The following SLC1A3 variants were observed in gnomAD, a reference collection of about 807,000 sequenced individuals.
SLC1A3 encodes excitatory amino acid transporter 1.
Under a neutral mutation model 48.1 loss-of-function variants are expected in SLC1A3, and 21 were observed. The observed-to-expected ratio is 0.44, with a 90% CI of 0.31 to 0.63. SLC1A3 has a LOEUF of 0.63. Ranked by LOEUF, SLC1A3 falls within the 20% of genes least tolerant of loss-of-function variation. The pLI is 0.08. For missense variants in SLC1A3, 546 were observed against 689.0 expected (o/e 0.79, Z 2.32); for synonymous variants, 239 against 251.4 (o/e 0.95, Z 0.47).
At chr5:36,679,547 T>C in intron 6 of SLC1A3, 80 bp from the exon 7 acceptor site, 1 of 1,035,338 alleles carries the variant, frequency 9.7e-7, no homozygotes. Context: ...TCTTTTCCCT[T>C]TTTCTTATCA....
intron 2 of SLC1A3, among the ~76,000 whole-genome samples, chr5:36,617,415 C>CTTTTTTTTTTTTTTTTTTT: frequency 1.7e-5 from 1 of 57,676 alleles, no homozygotes; most frequent in Non-Finnish European, 3.1e-5. Context: ...AGGTTGCGGG[C>CTTTTTTTTTTTTTTTTTTT]TTTTTTTTTT....
chr5:36,670,676 C>T, intron 3 of SLC1A3: 1 of 381,070 alleles, frequency 2.6e-6, no homozygotes, highest in Non-Finnish European at 5.0e-6. Context: ...GGCACACTCA[C>T]ACACGCACTA....
upstream of SLC1A3, among the ~76,000 whole-genome samples, chr5:36,605,873 A>T (rs16903193): frequency 3.8e-3 from 584 of 152,334 alleles, 11 homozygotes; most frequent in East Asian, 0.049. Context: ...TAAAATGGAG[A>T]CATCTGAACA....
At position 36,686,065 on chromosome 5, in the gene SLC1A3, G is replaced by A. The variant is rs755947309; in HGVS notation, c.1425G>A (p.Leu475=). 1.2e-5 allele frequency: 19 copies of A among 1,613,974 alleles called. No homozygotes were observed. The highest frequency in any genetic ancestry group is 1.6e-5 in the Non-Finnish European group (19 of 1,179,920). Residue 475 remains leucine (L), a splice_region_variant and synonymous_variant, in exon 10 of 10, where the codon CTG becomes CTA. Transcript: ENST00000265113. Reference sequence around the variant, plus strand: ...TCCCTCCTCCCCACCCTGCCTGCAGGGATCGCCTCCGGACCACCACCAACG... The same window carrying A: ...TCCCTCCTCCCCACCCTGCCTGCAGAGATCGCCTCCGGACCACCACCAACG... The part of the protein sequence containing the change: ...ITLIIAVDWF[L]DRLRTTTNVL...
At chr5:36,650,331 A>T (rs908166075) in intron 3 of SLC1A3, among the ~76,000 whole-genome samples, 1 of 152,250 alleles carries the variant, frequency 6.6e-6, no homozygotes, top group Admixed American at 6.5e-5. Flanking sequence ...AATACCCATT[A>T]TCACTTGTTA....
intron 9 of SLC1A3, 64 bp from the exon 10 acceptor site, chr5:36,686,001 T>G (rs2111990490): frequency 7.4e-7 from 1 of 1,348,628 alleles, no homozygotes; most frequent in East Asian, 2.3e-5. Context: ...GTTCCTAACG[T>G]AAGTTGAAAA....
intron 2 of SLC1A3, among the ~76,000 whole-genome samples, chr5:36,627,212 CT>C (rs1351169106): frequency 6.6e-6 from 1 of 151,946 alleles, no homozygotes; most frequent in African/African-American, 2.4e-5. Context: ...TGAATAGATG[CT>C]TGGAGAAAAT....
At position 36,608,640 on chromosome 5, in the gene SLC1A3, C is replaced by A. The variant is rs374298874; in HGVS notation, c.181+36C>A. On this transcript the variant is annotated intron_variant, in intron 2 of 9. Transcript: ENST00000265113. ...TGATTAAAAACAAAAAAACCTGTAT[C>A]TTGTTTCTCTGGGGCATCTGGCTGC... is the stretch of plus-strand genomic sequence containing the variant. 3.9e-5 allele frequency: 63 copies of A among 1,609,516 alleles called. No individual in the cohort carries two copies. In the Middle Eastern group the frequency reaches 5.0e-4, roughly 13 times the overall value.
Position 36,623,885 on chromosome 5 carries a change from G to T in SLC1A3, c.182-5565G>T, listed in dbSNP as rs956638654. Among the ~76,000 whole-genome samples, 4 of 148,632 alleles carry T rather than the reference G, an allele frequency of 2.7e-5. No homozygotes were observed. In the East Asian group the frequency reaches 8.0e-4, roughly 30 times the overall value. The stretch of plus-strand genomic sequence containing the variant: ...CTCAAAAAAAAAAAAAAAAAGAAAA[G>T]AAAAAGAAAGACTGGTCATGCTACG... On this transcript the variant is annotated intron_variant, in intron 2 of 9. Coordinates refer to ENST00000265113, the MANE Select transcript of SLC1A3 (RefSeq NM_004172.5).
At position 36,638,048 on chromosome 5, in the gene SLC1A3, A is replaced by G. The variant is rs1055194212; in HGVS notation, c.319+8461A>G. 3.5e-4 allele frequency among the ~76,000 whole-genome samples: 54 copies of G among 152,204 alleles called. 1 individual carries two copies. On this transcript the variant is annotated intron_variant, in intron 3 of 9. Coordinates refer to ENST00000265113, the MANE Select transcript of SLC1A3 (RefSeq NM_004172.5). ...CACAGTCCCCCACTGTTACTACTTT[A>G]GTTGATACCTTTATTAGTTCAGATA...
chr5:36,634,916 A>C (rs537093005), intron 3 of SLC1A3, among the ~76,000 whole-genome samples: 1 of 152,350 alleles, frequency 6.6e-6, no homozygotes, highest in East Asian at 1.9e-4. Context: ...TTACAGTAAG[A>C]GTGAACTAAA....
intron 9 of SLC1A3, among the ~76,000 whole-genome samples, 155 bp downstream of exon 9, chr5:36,684,153 C>A (rs1742551445): frequency 1.3e-5 from 2 of 152,226 alleles, no homozygotes; most frequent in Non-Finnish European, 2.9e-5. Flanking sequence ...GACCCCTGGT[C>A]CTTATCTGGA....
chr5:36,673,875 C>T (rs1373584613), intron 4 of SLC1A3, among the ~76,000 whole-genome samples, 174 bp from the exon 5 acceptor site: 7 of 152,112 alleles, frequency 4.6e-5, no homozygotes, highest in African/African-American at 1.2e-4. Flanking sequence ...CTACATGGGC[C>T]ACACTTAGGG....
chr5:36,677,408 C>T (rs920249335), intron 6 of SLC1A3, among the ~76,000 whole-genome samples: 1 of 152,212 alleles, frequency 6.6e-6, no homozygotes, highest in African/African-American at 2.4e-5. Context: ...GCTGTCACCT[C>T]CTTTTACCCC....
chr5:36,623,894 A>G (rs901457476), intron 2 of SLC1A3, among the ~76,000 whole-genome samples: 3 of 151,724 alleles, frequency 2.0e-5, no homozygotes, highest in African/African-American at 7.3e-5. Context: ...AGAAAAAGAA[A>G]GACTGGTCAT....
chr5:36,633,140 A>G (rs1451842923), intron 3 of SLC1A3, among the ~76,000 whole-genome samples: 2 of 152,242 alleles, frequency 1.3e-5, no homozygotes, highest in African/African-American at 4.8e-5. Flanking sequence ...GCCTGATTAA[A>G]TTCACTGGAT....
At chr5:36,619,917 T>G (rs1437972969) in intron 2 of SLC1A3, among the ~76,000 whole-genome samples, 1 of 152,238 alleles carries the variant, frequency 6.6e-6, no homozygotes, top group African/African-American at 2.4e-5. Context: ...AGATTTATAA[T>G]GCTTTTGATG....
intron 2 of SLC1A3, among the ~76,000 whole-genome samples, chr5:36,617,392 A>G (rs958790016): frequency 1.3e-5 from 2 of 151,036 alleles, no homozygotes; most frequent in Admixed American, 6.6e-5. Flanking sequence ...ATTAAAAAAG[A>G]AAGAGGGAGA....
intron 3 of SLC1A3, among the ~76,000 whole-genome samples, chr5:36,641,951 G>A (rs1401304397): frequency 6.6e-6 from 1 of 152,126 alleles, no homozygotes; most frequent in African/African-American, 2.4e-5. Context: ...AATTTCAAAT[G>A]TTCCAATATC....
Sources: gnomAD v4.1 joint callset for allele counts (sites outside exome capture counted in the v4.1 genomes callset) on GRCh38, gnomAD v4.1.1 for gene constraint, MANE v1.5 for transcripts, NCBI Gene and HGNC (gene_info 2026-07-23, HGNC 2026-07-21) for gene names.